DGKI: variants seen among roughly 807,000 people sequenced by gnomAD.
DGKI encodes the protein DAG kinase iota.
A neutral mutation model predicts 147.5 loss-of-function variants in DGKI; 55 were observed. That is an observed-to-expected ratio of 0.37 (90% CI 0.30 to 0.47). The LOEUF is 0.47. Among genes scored for constraint, DGKI ranks in the 20% least tolerant of loss-of-function variants. DGKI has a pLI of 1.00. For synonymous variants in DGKI, 469 were observed against 477.1 expected (o/e 0.98, Z 0.22); for missense variants, 1,007 against 1,323.8 (o/e 0.76, Z 3.71).
At chr7:137,503,033 T>C (rs1393007610) in intron 21 of DGKI, among the ~76,000 whole-genome samples, 1 of 152,070 alleles carries the variant, frequency 6.6e-6, no homozygotes, top group Non-Finnish European at 1.5e-5. Flanking sequence ...AAACTACCAG[T>C]GAAGTCAGAC....
intron 1 of DGKI, among the ~76,000 whole-genome samples, chr7:137,807,652 A>G (rs1250406024): frequency 6.6e-6 from 1 of 152,198 alleles, no homozygotes; most frequent in Non-Finnish European, 1.5e-5. Flanking sequence ...CAGAGAAGCC[A>G]CTGCAGCTAT....
At chr7:137,799,510 C>T (rs1023096061) in intron 1 of DGKI, among the ~76,000 whole-genome samples, 1 of 152,150 alleles carries the variant, frequency 6.6e-6, no homozygotes, top group African/African-American at 2.4e-5. Context: ...TAAATTGTAT[C>T]TCATAATGTC....
chr7:137,455,152 G>A (rs920943713), intron 27 of DGKI, among the ~76,000 whole-genome samples: 4 of 152,060 alleles, frequency 2.6e-5, no homozygotes, highest in Non-Finnish European at 4.4e-5. Context: ...AGCTGGTTTG[G>A]CACCTCTGAA....
At chr7:137,477,226 G>A (rs1274565900) in intron 23 of DGKI, among the ~76,000 whole-genome samples, 1 of 152,106 alleles carries the variant, frequency 6.6e-6, no homozygotes, top group Non-Finnish European at 1.5e-5. Flanking sequence ...CAATGGGAAT[G>A]GCAGGCAACC....
intron 28 of DGKI, among the ~76,000 whole-genome samples, chr7:137,425,943 G>A (rs1046855479): frequency 3.9e-5 from 6 of 152,150 alleles, no homozygotes; most frequent in Admixed American, 2.6e-4. Flanking sequence ...TGAAAGTGAC[G>A]GGGAGAATGG....
In DGKI at chr7:137,389,633, T is replaced by C. The variant is rs1012772124; in HGVS notation, c.*1587A>G. 5 of 152,194 alleles carry C rather than the reference T, an allele frequency of 3.3e-5. No individual in the cohort carries two copies. Among genetic ancestry groups the C allele is most frequent in the African/African-American group, 9.6e-5 (4 of 41,458 alleles). The allele number at this position is 152,194 out of a possible 1,614,324, so 9.4% of individuals were successfully genotyped here. ...AATCCTTGGACACCTACTTTTATTT[T>C]TGACTTACCCCCAAGTCAAGTAGAT... On this transcript the variant is annotated 3_prime_UTR_variant, in exon 33 of 33. Coordinates refer to ENST00000614521, the MANE Select transcript of DGKI (RefSeq NM_001321708.2).
chr7:137,720,634 C>T (rs1171047133), intron 1 of DGKI, among the ~76,000 whole-genome samples: 2 of 152,128 alleles, frequency 1.3e-5, no homozygotes, highest in Admixed American at 6.5e-5. Flanking sequence ...TTTCAAAGCC[C>T]CATATTTATT....
intron 8 of DGKI, among the ~76,000 whole-genome samples, chr7:137,613,748 G>C (rs1183184437): frequency 6.6e-6 from 1 of 151,908 alleles, no homozygotes; most frequent in Non-Finnish European, 1.5e-5. Flanking sequence ...CCACAGCATG[G>C]GATACATACA....
At chr7:137,549,259 G>T (rs1817966466) in intron 20 of DGKI, among the ~76,000 whole-genome samples, 1 of 152,142 alleles carries the variant, frequency 6.6e-6, no homozygotes, top group African/African-American at 2.4e-5. Flanking sequence ...AAGATATTTG[G>T]GTATGAGTCT....
intron 28 of DGKI, among the ~76,000 whole-genome samples, chr7:137,424,642 A>G (rs925978106): frequency 1.3e-5 from 2 of 152,170 alleles, no homozygotes; most frequent in African/African-American, 2.4e-5. Flanking sequence ...AGTCAGAGAA[A>G]GGGGTGACAG....
chr7:137,530,589 C>T (rs1159822500), intron 20 of DGKI, among the ~76,000 whole-genome samples: 2 of 152,190 alleles, frequency 1.3e-5, no homozygotes, highest in African/African-American at 2.4e-5. Context: ...TCTCCCACTA[C>T]ATATGTTTAA....
intron 21 of DGKI, among the ~76,000 whole-genome samples, chr7:137,502,161 A>C (rs1254597935): frequency 1.3e-5 from 2 of 152,218 alleles, no homozygotes; most frequent in Non-Finnish European, 2.9e-5. Context: ...CTTTGACAGC[A>C]GTGTGAAAAC....
At chr7:137,678,735 A>G (rs1263399494) in intron 2 of DGKI, 83 bp from the exon 3 acceptor site, 7 of 1,276,864 alleles carry the variant, frequency 5.5e-6, no homozygotes, top group Non-Finnish European at 8.0e-6. Context: ...TTGGGATACA[A>G]GAAAGTTAGT....
chr7:137,736,471 C>G (rs184489299), intron 1 of DGKI, among the ~76,000 whole-genome samples: 1 of 152,190 alleles, frequency 6.6e-6, no homozygotes, highest in East Asian at 1.9e-4. Context: ...AATAGCAGAC[C>G]TTACCTCTTC....
intron 8 of DGKI, among the ~76,000 whole-genome samples, chr7:137,616,666 G>A (rs834101): frequency 0.1 from 15,657 of 152,008 alleles, 2,681 homozygotes; most frequent in African/African-American, 0.35. Context: ...TATAAACATA[G>A]GAAGAAGAAT....
chr7:137,408,299 G>T (rs1812036539), intron 29 of DGKI, among the ~76,000 whole-genome samples: 3 of 152,184 alleles, frequency 2.0e-5, no homozygotes, highest in African/African-American at 7.2e-5. Flanking sequence ...CTCTCTCGAA[G>T]GAGTAGTGAG....
intron 19 of DGKI, among the ~76,000 whole-genome samples, chr7:137,554,022 G>A (rs1818137440): frequency 6.6e-6 from 1 of 152,086 alleles, no homozygotes; most frequent in Non-Finnish European, 1.5e-5. Flanking sequence ...CCACTTTTAA[G>A]CCATCTTCTC....
chr7:137,421,695 T>G (rs910467528), intron 28 of DGKI, among the ~76,000 whole-genome samples: 1 of 152,248 alleles, frequency 6.6e-6, no homozygotes, highest in African/African-American at 2.4e-5. Context: ...GTTTCACATG[T>G]CTAAGTTCCA....
chr7:137,775,710 C>T (rs567609864), intron 1 of DGKI, among the ~76,000 whole-genome samples: 2 of 152,214 alleles, frequency 1.3e-5, no homozygotes, highest in East Asian at 1.9e-4. Flanking sequence ...AGCAACATTA[C>T]GTGTAATAGC....
Sources: gnomAD v4.1 joint callset for allele counts (sites outside exome capture counted in the v4.1 genomes callset) on GRCh38, gnomAD v4.1.1 for gene constraint, MANE v1.5 for transcripts, NCBI Gene and HGNC (gene_info 2026-07-23, HGNC 2026-07-21) for gene names.